The following GRIN2B variants were observed in gnomAD, a reference collection of about 807,000 sequenced individuals.
The protein encoded by GRIN2B is glutamate receptor ionotropic, NMDA 2B.
In GRIN2B, 5 loss-of-function variants were observed where a neutral mutation model predicts 114.5. That is an observed-to-expected ratio of 0.04 (90% CI 0.02 to 0.09). GRIN2B has a LOEUF of 0.09. GRIN2B is among the 10% of genes least tolerant of loss of function. The probability of loss-of-function intolerance (pLI) is 1.00; values close to 1 mark genes in which losing one functional copy is unlikely to be tolerated. For missense variants in GRIN2B, 1,108 were observed against 1,943.5 expected, an observed-to-expected ratio of 0.57 and a Z score of 8.08; for synonymous variants, 787 against 745.1, an observed-to-expected ratio of 1.06 and a Z score of -0.92.
intron 5 of GRIN2B, among the ~76,000 whole-genome samples, chr12:13,672,097 T>C (rs996352995): frequency 6.6e-6 from 1 of 152,188 alleles, no homozygotes; most frequent in African/African-American, 2.4e-5. Flanking sequence ...CAGGTTCCTG[T>C]GTGTTCCATC....
rs1948497109 is a variant in GRIN2B at position 13,558,156 on chromosome 12, G to T, written c.*4627C>A. The stretch of plus-strand genomic sequence containing the variant: ...TGAAGAAAGCAAAAGCTCTGCTGTA[G>T]TGTGTAGCAGCCTACTGAGCATGTA... On this transcript the variant is annotated 3_prime_UTR_variant, in exon 14 of 14. Transcript: ENST00000609686. 1 of 152,218 alleles carries T rather than the reference G, an allele frequency of 6.6e-6. No homozygotes were observed. The highest frequency in any genetic ancestry group is 2.4e-5 in the African/African-American group (1 of 41,444). The allele number at this position is 152,218 out of a possible 1,614,324, so 9.4% of individuals were successfully genotyped here. A position where few individuals can be genotyped will look rare whatever the true frequency, so the allele number is the denominator to read the frequency against.
At chr12:13,785,045 T>A (rs1864199269) in intron 3 of GRIN2B, among the ~76,000 whole-genome samples, 1 of 152,260 alleles carries the variant, frequency 6.6e-6, no homozygotes, top group South Asian at 2.1e-4. Context: ...ATGTTCTTCA[T>A]TACTAACCTT....
chr12:13,588,162 T>C (rs1023143807), intron 10 of GRIN2B, among the ~76,000 whole-genome samples: 2 of 152,210 alleles, frequency 1.3e-5, no homozygotes, highest in African/African-American at 4.8e-5. Flanking sequence ...TCTTTGTCAA[T>C]GGATTACAGA....
intron 5 of GRIN2B, among the ~76,000 whole-genome samples, chr12:13,671,478 T>C (rs1465070868): frequency 6.6e-6 from 1 of 152,110 alleles, no homozygotes; most frequent in Admixed American, 6.5e-5. Flanking sequence ...TAAAGGAACA[T>C]TGGGAAGTCG....
chr12:13,618,005 G>T (rs1949465700), intron 5 of GRIN2B, among the ~76,000 whole-genome samples: 1 of 152,138 alleles, frequency 6.6e-6, no homozygotes, highest in Non-Finnish European at 1.5e-5. Flanking sequence ...GATGCTGGTT[G>T]GTTTTCTTTC....
intron 4 of GRIN2B, among the ~76,000 whole-genome samples, chr12:13,720,447 C>T (rs771204241): frequency 1.2e-4 from 18 of 152,138 alleles, no homozygotes; most frequent in Non-Finnish European, 2.6e-4. Flanking sequence ...TTTAATTCAG[C>T]GGCAGATTTA....
In GRIN2B at chr12:13,563,667, T is replaced by C; in HGVS notation, c.3571A>G (p.Ser1191Gly). 6.2e-7 allele frequency: 1 copy of C among 1,613,622 alleles called. No individual in the cohort carries two copies. Among genetic ancestry groups the C allele is most frequent in the Non-Finnish European group, 8.5e-7 (1 of 1,179,960 alleles). ...HGTGDKHGVV[S>G]GVPAPWEKNL... Reference sequence around the variant, plus strand: ...TTCTCCCAAGGTGCAGGTACCCCGCTGACCACGCCGTGTTTGTCGCCCGTC... The same window carrying C: ...TTCTCCCAAGGTGCAGGTACCCCGCCGACCACGCCGTGTTTGTCGCCCGTC... Residue 1191 changes from serine (S) to glycine (G), a missense_variant, in exon 14 of 14, where the codon AGC (serine) becomes GGC (glycine). Ser to Gly is a moderately conservative substitution (Grantham distance 56). Around this residue, in one of 19 missense-constraint regions of GRIN2B, gnomAD observed 478 missense variants for 506.0 expected, o/e 0.94. Transcript: ENST00000609686.
intron 3 of GRIN2B, among the ~76,000 whole-genome samples, chr12:13,863,076 G>T (rs1035701672): frequency 6.6e-6 from 1 of 152,230 alleles, no homozygotes; most frequent in East Asian, 1.9e-4. Flanking sequence ...AGAAAGACAT[G>T]ATGGAATATT....
chr12:13,801,206 C>T (rs1864506426), intron 3 of GRIN2B, among the ~76,000 whole-genome samples: 1 of 152,130 alleles, frequency 6.6e-6, no homozygotes, highest in South Asian at 2.1e-4. Flanking sequence ...AGTACGTGAT[C>T]ATTAAGCGCA....
chr12:13,690,757 T>C (rs1480538557), intron 4 of GRIN2B, among the ~76,000 whole-genome samples: 1 of 152,194 alleles, frequency 6.6e-6, no homozygotes, highest in Non-Finnish European at 1.5e-5. Context: ...AATATTTTAT[T>C]CCGTAAGAAA....
intron 3 of GRIN2B, among the ~76,000 whole-genome samples, chr12:13,766,881 C>A (rs1335766852): frequency 6.6e-6 from 1 of 152,088 alleles, no homozygotes; most frequent in Admixed American, 6.5e-5. Flanking sequence ...ACACACTGGT[C>A]AGGAAATCAA....
chr12:13,971,613 A>G (rs9645755), intron 2 of GRIN2B, among the ~76,000 whole-genome samples: 32,881 of 152,076 alleles, frequency 0.22, 4,410 homozygotes, highest in Non-Finnish European at 0.3. Flanking sequence ...CAATCAATCA[A>G]GGTCTGCTTA....
chr12:13,724,676 T>C (rs891304104), intron 4 of GRIN2B, among the ~76,000 whole-genome samples: 1 of 152,096 alleles, frequency 6.6e-6, no homozygotes, highest in Admixed American at 6.6e-5. Context: ...GATGCCCTTG[T>C]GGGATCCAGC....
At chr12:13,840,402 G>A (rs1301782466) in intron 3 of GRIN2B, among the ~76,000 whole-genome samples, 3 of 152,172 alleles carry the variant, frequency 2.0e-5, no homozygotes, top group Non-Finnish European at 2.9e-5. Context: ...ATGTATCAGT[G>A]CAGGGGACCT....
chr12:13,774,909 T>C (rs1001711217), intron 3 of GRIN2B, among the ~76,000 whole-genome samples: 5 of 152,080 alleles, frequency 3.3e-5, no homozygotes, highest in Non-Finnish European at 7.4e-5. Flanking sequence ...AAAACAAATA[T>C]ATGCGGCATA....
intron 10 of GRIN2B, among the ~76,000 whole-genome samples, chr12:13,599,975 T>C (rs1344378020): frequency 1.1e-4 from 17 of 152,270 alleles, no homozygotes; most frequent in Admixed American, 1.1e-3. Context: ...TTTTTGTTAA[T>C]TAAAATTGTT....
At chr12:13,876,422 G>A (rs1226851334) in intron 2 of GRIN2B, among the ~76,000 whole-genome samples, 1 of 152,150 alleles carries the variant, frequency 6.6e-6, no homozygotes. Flanking sequence ...CAATTACTTA[G>A]AAAGGAGTCA....
At position 13,545,813 on chromosome 12, in the gene GRIN2B, G is replaced by A. The variant is rs1007168808; in HGVS notation, c.*16970C>T. 7 of 152,096 alleles carry A rather than the reference G, an allele frequency of 4.6e-5. No individual in the cohort carries two copies. Among genetic ancestry groups the A allele is most frequent in the African/African-American group, 1.7e-4 (7 of 41,406 alleles). 9.4% of individuals were successfully genotyped at this position (152,096 alleles called of 1,614,324 possible). ...TACACAGACGCTGAATATTTGGGAG[G>A]ATTACTTAACGTTTTAGCTTTCCTG... is the stretch of plus-strand genomic sequence containing the variant. On this transcript the variant is annotated 3_prime_UTR_variant, in exon 14 of 14. Transcript: ENST00000609686.
intron 10 of GRIN2B, among the ~76,000 whole-genome samples, chr12:13,588,879 T>C (rs932539016): frequency 1.3e-5 from 2 of 152,192 alleles, no homozygotes; most frequent in Non-Finnish European, 2.9e-5. Flanking sequence ...AGTCTTCTTG[T>C]AAAAGATTAA....
Sources: gnomAD v4.1 joint callset for allele counts (sites outside exome capture counted in the v4.1 genomes callset) on GRCh38, gnomAD v4.1.1 for gene constraint, gnomAD v4.1.1 regional missense constraint, MANE v1.5 for transcripts, NCBI Gene and HGNC (gene_info 2026-07-23, HGNC 2026-07-21) for gene names.